The following CFAP92 variants were observed in gnomAD, a reference collection of about 807,000 sequenced individuals.
CFAP92 encodes the protein cilia and flagella associated protein 92 (putative), also known as uncharacterized protein CFAP92.
Under a neutral mutation model 106.3 loss-of-function variants are expected in CFAP92, and 86 were observed. The ratio of observed to expected loss-of-function variants is 0.81; its 90% CI spans 0.68 to 0.97. CFAP92 has a LOEUF of 0.97. Ranked by LOEUF, CFAP92 falls within the 50% of genes least tolerant of loss-of-function variation. The pLI, the probability that CFAP92 is intolerant of heterozygous loss-of-function variation, is 0.00. For synonymous variants in CFAP92, 477 were observed against 506.4 expected (o/e 0.94, Z 0.78); for missense variants, 1,204 against 1,283.8 (o/e 0.94, Z 0.95).
Position 128,931,059 on chromosome 3 carries a change from C to T in CFAP92, c.2751+1641G>A, listed in dbSNP as rs373235826. On this transcript the variant is annotated intron_variant, in intron 12 of 15. Coordinates refer to ENST00000645291, the MANE Select transcript of CFAP92 (RefSeq NM_001394090.1). ...TAGATGAGATTACAAGTGTGCACCA[C>T]GACACCCAGCTAATTTTAGTATTTT... Among the ~76,000 whole-genome samples, 27 of 152,260 alleles carry T rather than the reference C, an allele frequency of 1.8e-4. No individual in the cohort carries two copies. In the East Asian group the frequency reaches 3.7e-3, roughly 21 times the overall value.
Position 128,916,151 on chromosome 3 carries a change from A to G in CFAP92, c.2872T>C (p.Ser958Pro), listed in dbSNP as rs1559846178. The change falls in exon 13 of 16, where the codon TCT becomes CCT. Residue 958 changes from serine (S) to proline (P), a missense_variant. Coordinates refer to ENST00000645291, the MANE Select transcript of CFAP92 (RefSeq NM_001394090.1). ...VYNYSTQTMN[S>P]TELAKKELYQ... Reference sequence around the variant, plus strand: ...AGCTCCTTCTTGGCAAGCTCTGTAGAATTCATGGTCTGGGTACTATAGTTG... The same window carrying G: ...AGCTCCTTCTTGGCAAGCTCTGTAGGATTCATGGTCTGGGTACTATAGTTG... 8.1e-7 allele frequency: 1 copy of G among 1,232,146 alleles called. No homozygotes were observed. Among genetic ancestry groups the G allele is most frequent in the Non-Finnish European group, 1.0e-6 (1 of 988,000 alleles). 76.3% of individuals were successfully genotyped at this position (1,232,146 alleles called of 1,614,324 possible).
chr3:128,927,544 A>C (rs986482272), intron 12 of CFAP92, among the ~76,000 whole-genome samples: 1 of 151,782 alleles, frequency 6.6e-6, no homozygotes, highest in African/African-American at 2.4e-5. Context: ...ACATGGTGAA[A>C]CCCTGTCTCT....
intron 1 of CFAP92, chr3:129,002,208 G>T (rs766476371): frequency 7.9e-6 from 12 of 1,521,450 alleles, no homozygotes; most frequent in Non-Finnish European, 1.1e-5. Context: ...CCCCGACAGC[G>T]GTCCTGACTG....
rs1025736469 is a variant in CFAP92 at position 128,915,548 on chromosome 3, ATC to A, written c.2930_2931del (p.Arg977IlefsTer64). 20 of 1,519,214 alleles carry A rather than the reference ATC, an allele frequency of 1.3e-5. No individual in the cohort carries two copies. In the African/African-American group the frequency reaches 2.6e-4, roughly 20 times the overall value. 94.1% of individuals were successfully genotyped at this position (1,519,214 alleles called of 1,614,324 possible). A position where few individuals can be genotyped will look rare whatever the true frequency, so the allele number is the denominator to read the frequency against. On this transcript the variant is annotated frameshift_variant, in exon 14 of 16. Coordinates refer to ENST00000645291, the MANE Select transcript of CFAP92 (RefSeq NM_001394090.1). LOFTEE classifies it high-confidence loss of function. ...GAGAGGTAATCCTGTGAGTACGTGA[ATC>A]TCTTTCTTGGCTCCTAGAAATGGGG... ...YQEIAKEPRK[R>X]FTYSQDYLSA...
chr3:128,988,690 C>G (rs1304132642), intron 3 of CFAP92, 38 bp downstream of exon 3: 1 of 1,597,876 alleles, frequency 6.3e-7, no homozygotes, highest in Non-Finnish European at 8.6e-7. Flanking sequence ...TGATGAGCAT[C>G]AGACCATACA....
intron 8 of CFAP92, chr3:128,969,337 G>C (rs1048218078): frequency 6.6e-6 from 1 of 152,154 alleles, no homozygotes; most frequent in Non-Finnish European, 1.5e-5. Context: ...CTCTTCACAC[G>C]GACATGTAAG....
chr3:128,993,367 C>A (rs776534462), intron 1 of CFAP92, 31 bp from the exon 2 acceptor site: 150 of 1,548,442 alleles, frequency 9.7e-5, no homozygotes, highest in Non-Finnish European at 1.2e-4. Flanking sequence ...GCTGTCCCCG[C>A]CTGTATTCCA....
chr3:128,983,343 C>T (rs952630285), intron 4 of CFAP92, among the ~76,000 whole-genome samples: 2 of 152,178 alleles, frequency 1.3e-5, no homozygotes, highest in Non-Finnish European at 2.9e-5. Context: ...TGTGCTGCCC[C>T]ACTCGCTCCT....
At chr3:128,948,072 G>A (rs1238107515) in intron 9 of CFAP92, among the ~76,000 whole-genome samples, 1 of 152,186 alleles carries the variant, frequency 6.6e-6, no homozygotes, top group African/African-American at 2.4e-5. Context: ...GCTTGTCACA[G>A]ATTGGGTTAA....
At chr3:128,950,684 C>G (rs1406252746) in intron 9 of CFAP92, among the ~76,000 whole-genome samples, 1 of 152,214 alleles carries the variant, frequency 6.6e-6, no homozygotes, top group Non-Finnish European at 1.5e-5. Context: ...GGGATACACA[C>G]AGGGGGTGCT....
intron 4 of CFAP92, among the ~76,000 whole-genome samples, chr3:128,983,053 C>T (rs1397792009): frequency 6.6e-6 from 1 of 152,184 alleles, no homozygotes; most frequent in Non-Finnish European, 1.5e-5. Context: ...TTGTTCAACA[C>T]AGGGTTGCCA....
At chr3:128,938,981 A>G (rs906475837) in intron 10 of CFAP92, among the ~76,000 whole-genome samples, 1 of 152,250 alleles carries the variant, frequency 6.6e-6, no homozygotes, top group Non-Finnish European at 1.5e-5. Flanking sequence ...GCTTTAGGAT[A>G]TAAGATCAAC....
At chr3:128,932,396 CAT>C (rs35431656) in intron 12 of CFAP92, among the ~76,000 whole-genome samples, 21,734 of 151,914 alleles carry the variant, frequency 0.14, 1,608 homozygotes, top group Middle Eastern at 0.16. Flanking sequence ...CACACACACA[CAT>C]GCCACAGTTC....
At chr3:128,932,181 GT>G (rs1680959781) in intron 12 of CFAP92, among the ~76,000 whole-genome samples, 1 of 152,204 alleles carries the variant, frequency 6.6e-6, no homozygotes, top group Non-Finnish European at 1.5e-5. Context: ...ACAGATGTCT[GT>G]GTTTTCATGT....
At chr3:128,917,743 T>C (rs555621944) in intron 12 of CFAP92, among the ~76,000 whole-genome samples, 5 of 152,316 alleles carry the variant, frequency 3.3e-5, no homozygotes, top group African/African-American at 1.2e-4. Flanking sequence ...GCAGAAGTGA[T>C]ACTGTTGTAG....
rs1937589871 is a variant in CFAP92, at chr3:128,925,561, A to T, written c.2751+7139T>A. Among the ~76,000 whole-genome samples, 4 of 152,356 alleles carry T rather than the reference A, an allele frequency of 2.6e-5. No individual in the cohort carries two copies. The South Asian group carries it at 8.3e-4, about 32-fold the overall frequency. Reference sequence around the variant, plus strand: ...AAGTATGAGATGTATAAGTAATATCAGATGCAGATCATGGTGAAAATATCT... The same window carrying T: ...AAGTATGAGATGTATAAGTAATATCTGATGCAGATCATGGTGAAAATATCT... On this transcript the variant is annotated intron_variant, in intron 12 of 15. Transcript: ENST00000645291.
At chr3:128,923,354 A>T (rs1269269138) in intron 12 of CFAP92, among the ~76,000 whole-genome samples, 1 of 152,240 alleles carries the variant, frequency 6.6e-6, no homozygotes, top group Non-Finnish European at 1.5e-5. Context: ...AAAACCACAC[A>T]GGAAGCTGAG....
Position 128,987,640 on chromosome 3 carries a change from C to T in CFAP92, c.643G>A (p.Asp215Asn), listed in dbSNP as rs746384531. The change falls in exon 4 of 16, where the codon GAC becomes AAC. Residue 215 changes from aspartate to asparagine, a missense_variant. Asp to Asn is a conservative substitution (Grantham distance 23). Transcript: ENST00000645291. ...CCTGACTTATGAAAAGCTCCCACGT[C>T]GTCTGTGAAGCCGGCAGTCTTTAAT... is the stretch of plus-strand genomic sequence containing the variant. ...YRLKTAGFTD[D>N]VGAFHKSEVR... The T allele has an allele frequency of 6.2e-6, 10 of 1,613,854 alleles. No homozygotes were observed. In the Admixed American group the frequency reaches 8.3e-5, roughly 13 times the overall value.
intron 9 of CFAP92, among the ~76,000 whole-genome samples, chr3:128,957,928 G>A (rs1385643587): frequency 6.6e-6 from 1 of 152,176 alleles, no homozygotes; most frequent in Non-Finnish European, 1.5e-5. Flanking sequence ...TTCCTCAGAA[G>A]GTGCTCAGGA....
Sources: allele counts gnomAD v4.1 joint callset (sites outside exome capture counted in the v4.1 genomes callset), GRCh38; gene constraint gnomAD v4.1.1; transcripts MANE v1.5; gene names NCBI Gene and HGNC (gene_info 2026-07-23, HGNC 2026-07-21).